Variants in CSMD1 observed in about 807,000 individuals in gnomAD.
CSMD1 encodes CUB and Sushi multiple domains 1.
In CSMD1, 213 loss-of-function variants were observed where a neutral mutation model predicts 417.5. The observed-to-expected ratio is 0.51, with a 90% CI of 0.46 to 0.57. The LOEUF is 0.57. Among genes scored for constraint, CSMD1 ranks in the 20% least tolerant of loss-of-function variants. The pLI is 0.00. For synonymous variants in CSMD1, 2,862 were observed against 1,736.8 expected (o/e 1.65, Z -16.11); for missense variants, 6,923 against 4,529.7 (o/e 1.53, Z -15.17).
rs138985376 is a variant in CSMD1, at chr8:4,474,547, G to A, written c.303-54482C>T. On this transcript the variant is annotated intron_variant, in intron 2 of 69. Transcript: ENST00000635120. ...CTTTGAGCAGATGTCATGGGGTTTA[G>A]CACTTTTGAGAGTGAGAGCTCTAAA... Among the ~76,000 whole-genome samples the A allele has an allele frequency of 1.4e-3, 213 of 152,296 alleles. 1 individual carries two copies. The highest frequency in any genetic ancestry group is 4.9e-3 in the African/African-American group (202 of 41,568).
intron 2 of CSMD1, among the ~76,000 whole-genome samples, chr8:4,530,344 T>A (rs1339709142): frequency 8.3e-6 from 1 of 120,378 alleles, no homozygotes; most frequent in Non-Finnish European, 1.7e-5. Context: ...TTTTTTTTTT[T>A]ACTTTCAGTG....
At chr8:3,320,190 A>AGT (rs1806061341) in intron 23 of CSMD1, among the ~76,000 whole-genome samples, 1 of 152,230 alleles carries the variant, frequency 6.6e-6, no homozygotes, top group African/African-American at 2.4e-5. Context: ...CGATTATAAG[A>AGT]GTCCAACTAA....
chr8:2,981,542 G>C (rs911169062), intron 54 of CSMD1, among the ~76,000 whole-genome samples: 1 of 152,190 alleles, frequency 6.6e-6, no homozygotes, highest in Non-Finnish European at 1.5e-5. Context: ...AATACACTAA[G>C]ACTTGATTTC....
intron 12 of CSMD1, among the ~76,000 whole-genome samples, chr8:3,429,613 G>A (rs1814086103): frequency 6.6e-6 from 1 of 152,132 alleles, no homozygotes; most frequent in Non-Finnish European, 1.5e-5. Flanking sequence ...CTTGACGAGG[G>A]GTGGTGAAAA....
At chr8:4,155,029 G>C (rs1218346812) in intron 3 of CSMD1, among the ~76,000 whole-genome samples, 2 of 152,188 alleles carry the variant, frequency 1.3e-5, no homozygotes, top group Admixed American at 6.5e-5. Context: ...CCTCATCACA[G>C]AACCTAACAC....
chr8:3,678,074 G>A (rs546947072), intron 7 of CSMD1, among the ~76,000 whole-genome samples: 1 of 152,140 alleles, frequency 6.6e-6, no homozygotes, highest in Non-Finnish European at 1.5e-5. Context: ...TGGCTGAATA[G>A]GAACAGCTCC....
intron 3 of CSMD1, among the ~76,000 whole-genome samples, chr8:4,100,490 C>T (rs1585313411): frequency 6.6e-6 from 1 of 152,148 alleles, no homozygotes; most frequent in African/African-American, 2.4e-5. Context: ...AAGCCTTAGT[C>T]TCATCAACTA....
chr8:3,105,393 T>G (rs988319901), intron 46 of CSMD1, among the ~76,000 whole-genome samples: 2 of 152,248 alleles, frequency 1.3e-5, no homozygotes, highest in Non-Finnish European at 2.9e-5. Context: ...ACTATGATTT[T>G]GAAGTCATAA....
chr8:4,779,897 T>C (rs902084882), intron 1 of CSMD1, among the ~76,000 whole-genome samples: 1 of 151,936 alleles, frequency 6.6e-6, no homozygotes, highest in Non-Finnish European at 1.5e-5. Flanking sequence ...GGCCTTGCTT[T>C]TTCTTTTTTC....
chr8:4,916,127 G>C (rs151123684), intron 1 of CSMD1, among the ~76,000 whole-genome samples: 1 of 152,206 alleles, frequency 6.6e-6, no homozygotes, highest in Non-Finnish European at 1.5e-5. Context: ...GTCTGATGAA[G>C]TCAGGAAGAT....
At chr8:3,846,337 T>G (rs1563139848) in intron 5 of CSMD1, among the ~76,000 whole-genome samples, 1 of 152,200 alleles carries the variant, frequency 6.6e-6, no homozygotes, top group Non-Finnish European at 1.5e-5. Context: ...CCACCTTTAT[T>G]TACATGGTCC....
At chr8:3,592,962 G>A (rs571221527) in intron 8 of CSMD1, among the ~76,000 whole-genome samples, 39 of 152,300 alleles carry the variant, frequency 2.6e-4, no homozygotes, top group Admixed American at 9.8e-4. Flanking sequence ...GTGGTGGCCT[G>A]GCCCTCCCCG....
rs1797659258 is a variant in CSMD1, at chr8:3,756,373, A to G, written c.819-2331T>C. The stretch of plus-strand genomic sequence containing the variant: ...ATCTCAAAAAAAAAAAAAAATCATT[A>G]GTTTCTTTGTATATTAAAAATCAAT... On this transcript the variant is annotated intron_variant, in intron 5 of 69. Coordinates refer to ENST00000635120, the MANE Select transcript of CSMD1 (RefSeq NM_033225.6). Among the ~76,000 whole-genome samples the G allele has an allele frequency of 2.0e-5, 3 of 151,980 alleles. No homozygotes were observed. The South Asian group carries it at 6.2e-4, about 32-fold the overall frequency.
chr8:4,635,995 T>A (rs1172483427), intron 2 of CSMD1, among the ~76,000 whole-genome samples: 1 of 151,936 alleles, frequency 6.6e-6, no homozygotes, highest in Non-Finnish European at 1.5e-5. Flanking sequence ...GCAAATAAAA[T>A]ATATTTGAAA....
intron 6 of CSMD1, among the ~76,000 whole-genome samples, chr8:3,712,604 A>G (rs1162476179): frequency 6.6e-6 from 1 of 152,190 alleles, no homozygotes; most frequent in African/African-American, 2.4e-5. Context: ...TGATGACAAA[A>G]CATAGCTTTT....
At chr8:4,885,785 G>A (rs1356815398) in intron 1 of CSMD1, among the ~76,000 whole-genome samples, 1 of 151,880 alleles carries the variant, frequency 6.6e-6, no homozygotes, top group South Asian at 2.1e-4. Context: ...TTCCTTTCAT[G>A]TGCAAAGTTT....
Position 4,467,142 on chromosome 8 carries a change from A to AG in CSMD1, c.303-47078_303-47077insC, listed in dbSNP as rs1491441581. Reference sequence around the variant, plus strand: ...CAGAGTAAAAAAAAAAAAAAAAAAGAAAAAAAAAGAAAAAACAAATGTTGA... The same window carrying AG: ...CAGAGTAAAAAAAAAAAAAAAAAAGAGAAAAAAAAGAAAAAACAAATGTTGA... On this transcript the variant is annotated intron_variant, in intron 2 of 69. Coordinates refer to ENST00000635120, the MANE Select transcript of CSMD1 (RefSeq NM_033225.6). Among the ~76,000 whole-genome samples the AG allele has an allele frequency of 1.1e-3, 160 of 146,122 alleles. 1 individual carries two copies. The highest frequency in any genetic ancestry group is 3.8e-3 in the African/African-American group (146 of 38,276).
intron 12 of CSMD1, among the ~76,000 whole-genome samples, chr8:3,431,401 G>T (rs955179082): frequency 6.6e-6 from 1 of 152,000 alleles, no homozygotes; most frequent in African/African-American, 2.4e-5. Flanking sequence ...TTAGTGTGCC[G>T]CTTTTGTATT....
chr8:4,208,965 G>A (rs1030461522), intron 3 of CSMD1, among the ~76,000 whole-genome samples: 1 of 152,164 alleles, frequency 6.6e-6, no homozygotes, highest in East Asian at 1.9e-4. Flanking sequence ...GCAATTTAGA[G>A]CTGAAAAACC....
Sources: gnomAD v4.1 joint callset for allele counts (sites outside exome capture counted in the v4.1 genomes callset) on GRCh38, gnomAD v4.1.1 for gene constraint, MANE v1.5 for transcripts, NCBI Gene and HGNC (gene_info 2026-07-23, HGNC 2026-07-21) for gene names.